Variants in KIAA1671 observed in about 807,000 individuals in gnomAD.
The protein encoded by KIAA1671 is uncharacterized protein KIAA1671.
Under a neutral mutation model 131.2 loss-of-function variants are expected in KIAA1671, and 52 were observed. That is an observed-to-expected ratio of 0.40 (90% CI 0.32 to 0.50). The LOEUF is 0.50. Among genes scored for constraint, KIAA1671 ranks in the 20% least tolerant of loss-of-function variants. The pLI is 0.73. For missense variants in KIAA1671, 2,360 were observed against 2,364.2 expected, an observed-to-expected ratio of 1.00 and a Z score of 0.04; for synonymous variants, 1,003 against 961.6, an observed-to-expected ratio of 1.04 and a Z score of -0.80.
intron 6 of KIAA1671, among the ~76,000 whole-genome samples, chr22:25,093,742 C>CTCTCTCTCTCTCTT (rs1930170347): frequency 8.4e-6 from 1 of 118,482 alleles, no homozygotes. Flanking sequence ...CACACACTCT[C>CTCTCTCTCTCTCTT]TCTCTCTCTC....
At chr22:24,959,095 C>T (rs1446155329) in intron 1 of KIAA1671, among the ~76,000 whole-genome samples, 2 of 151,668 alleles carry the variant, frequency 1.3e-5, no homozygotes, top group African/African-American at 2.4e-5. Context: ...CTCAGGAGTT[C>T]GATGCTGCAG....
intron 3 of KIAA1671, among the ~76,000 whole-genome samples, chr22:25,032,082 G>A (rs1297596486): frequency 1.3e-5 from 2 of 152,212 alleles, no homozygotes; most frequent in African/African-American, 2.4e-5. Context: ...ATCCAGAGAG[G>A]CAGAGACAGA....
chr22:25,067,992 C>T (rs1323618812), intron 6 of KIAA1671, among the ~76,000 whole-genome samples: 2 of 152,278 alleles, frequency 1.3e-5, no homozygotes, highest in Admixed American at 6.5e-5. Flanking sequence ...ATCCCTCCAG[C>T]GGTGCCGCCA....
chr22:25,122,966 C>CT (rs1448153705), intron 6 of KIAA1671, among the ~76,000 whole-genome samples: 1 of 151,748 alleles, frequency 6.6e-6, no homozygotes, highest in Non-Finnish European at 1.5e-5. Context: ...CAGAGCAAGA[C>CT]TCCATCTCAC....
chr22:25,007,581 A>G (rs1924818460), intron 1 of KIAA1671, among the ~76,000 whole-genome samples: 1 of 152,032 alleles, frequency 6.6e-6, no homozygotes, highest in Admixed American at 6.6e-5. Flanking sequence ...ACCACACTGA[A>G]GACTAGCTGA....
At chr22:25,176,597 G>A (rs1934035921) in intron 8 of KIAA1671, 1 of 152,178 alleles carries the variant, frequency 6.6e-6, no homozygotes, top group Admixed American at 6.5e-5. Context: ...ATTGCCCAAG[G>A]TCACATAACC....
In KIAA1671 at chr22:25,170,659, C is replaced by T. The variant is rs185343575; in HGVS notation, c.4531-161C>T. On this transcript the variant is annotated intron_variant, in intron 6 of 12. Coordinates refer to ENST00000358431, the MANE Select transcript of KIAA1671 (RefSeq NM_001145206.2). ...CTTGGTAAACCAGGACGATTGGTCA[C>T]GCTAGTGCCCAGCCAAGATGTCTGG... Among the ~76,000 whole-genome samples, 65 of 152,338 alleles carry T rather than the reference C, an allele frequency of 4.3e-4. No homozygotes were observed. The South Asian group carries it at 5.8e-3, about 14-fold the overall frequency.
intron 1 of KIAA1671, among the ~76,000 whole-genome samples, chr22:24,970,164 A>G (rs936036557): frequency 1.3e-5 from 2 of 152,190 alleles, no homozygotes; most frequent in Non-Finnish European, 2.9e-5. Flanking sequence ...TGGCCCCTGT[A>G]AAATGAGCTC....
At chr22:25,123,275 C>T (rs1428251025) in intron 6 of KIAA1671, among the ~76,000 whole-genome samples, 1 of 141,034 alleles carries the variant, frequency 7.1e-6, no homozygotes, top group African/African-American at 2.7e-5. Context: ...CGGCTCACTG[C>T]AACCACCCCT....
intron 1 of KIAA1671, among the ~76,000 whole-genome samples, chr22:24,980,529 C>T (rs1923175430): frequency 6.6e-6 from 1 of 152,000 alleles, no homozygotes; most frequent in Admixed American, 6.6e-5. Flanking sequence ...CTTGGCCTCC[C>T]ATAGTGCTAG....
chr22:25,040,995 G>A lies in KIAA1671; in HGVS notation c.3865G>A (p.Gly1289Ser). The A allele has an allele frequency of 1.4e-6, 2 of 1,476,552 alleles. No homozygotes were observed. The highest frequency in any genetic ancestry group is 1.8e-6 in the Non-Finnish European group (2 of 1,113,306). 91.5% of individuals were successfully genotyped at this position (1,476,552 alleles called of 1,614,324 possible). ...GGCAGAGACCTTGGAGACAGCCATG[G>A]GCACCAAATCTAGCCCTCCCTTCTG... is the stretch of plus-strand genomic sequence containing the variant. ...QLAETLETAM[G>S]TKSSPPFWAL... The change falls in exon 5 of 13, where the codon GGC (glycine) becomes AGC (serine). Residue 1289 changes from glycine to serine, a missense_variant. This residue lies in a region of KIAA1671 where 1,161 missense variants were observed against 1,204.7 expected (regional missense o/e 0.96). Transcript: ENST00000358431.
intron 6 of KIAA1671, among the ~76,000 whole-genome samples, chr22:25,100,129 G>C (rs953088738): frequency 6.6e-6 from 1 of 152,206 alleles, no homozygotes; most frequent in African/African-American, 2.4e-5. Context: ...AGAGAGGAGG[G>C]GAGCATTGCC....
rs537490234 is a variant in KIAA1671 at position 24,973,211 on chromosome 22, G to A, written c.-208+20439G>A. Among the ~76,000 whole-genome samples, 4 of 152,186 alleles carry A rather than the reference G, an allele frequency of 2.6e-5. No individual in the cohort carries two copies. The South Asian group carries it at 8.3e-4, about 32-fold the overall frequency. ...TTTGGGCTTTTAAAAAACCCTGACTGCTGAAAAGGGAATGGACTTGTGCTC... is the reference window on the plus strand; with the variant it reads ...TTTGGGCTTTTAAAAAACCCTGACTACTGAAAAGGGAATGGACTTGTGCTC... On this transcript the variant is annotated intron_variant, in intron 1 of 12. Coordinates refer to ENST00000358431, the MANE Select transcript of KIAA1671 (RefSeq NM_001145206.2).
chr22:25,073,539 A>G (rs940898790), intron 6 of KIAA1671, among the ~76,000 whole-genome samples: 2 of 151,616 alleles, frequency 1.3e-5, no homozygotes, highest in Non-Finnish European at 2.9e-5. Flanking sequence ...TGGTAAGAGC[A>G]CCTGAGATCT....
intron 11 of KIAA1671, 200 bp downstream of exon 11, chr22:25,185,319 GGAATC>G: frequency 1.7e-6 from 1 of 601,694 alleles, no homozygotes; most frequent in South Asian, 2.8e-5. Flanking sequence ...AAGGAGGCCA[GGAATC>G]AGGCCAGCTG....
intron 6 of KIAA1671, among the ~76,000 whole-genome samples, chr22:25,118,815 C>T (rs1931801525): frequency 1.3e-5 from 2 of 152,126 alleles, no homozygotes; most frequent in Non-Finnish European, 1.5e-5. Context: ...GACCTTGCCC[C>T]TCTGACCTCC....
intron 11 of KIAA1671, chr22:25,185,326 G>A: frequency 1.8e-6 from 1 of 560,420 alleles, no homozygotes; most frequent in Non-Finnish European, 3.0e-6. Context: ...CCAGGAATCA[G>A]GCCAGCTGGC....
At chr22:25,157,836 T>A (rs902820910) in intron 6 of KIAA1671, among the ~76,000 whole-genome samples, 6 of 151,990 alleles carry the variant, frequency 3.9e-5, no homozygotes, top group South Asian at 2.1e-4. Context: ...TTTTTTTTTT[T>A]ATTCAGATGG....
At chr22:25,081,698 A>G (rs1458063772) in intron 6 of KIAA1671, among the ~76,000 whole-genome samples, 1 of 152,050 alleles carries the variant, frequency 6.6e-6, no homozygotes, top group Non-Finnish European at 1.5e-5. Flanking sequence ...CCAGTGAGGC[A>G]GGGGTTCTGA....
Sources: allele counts gnomAD v4.1 joint callset (sites outside exome capture counted in the v4.1 genomes callset), GRCh38; gene constraint gnomAD v4.1.1; regional missense constraint gnomAD v4.1.1; transcripts MANE v1.5; gene names NCBI Gene and HGNC (gene_info 2026-07-23, HGNC 2026-07-21).